STK32C: variants seen among roughly 807,000 people sequenced by gnomAD.
The protein encoded by STK32C is serine/threonine-protein kinase 32C.
In STK32C, 31 loss-of-function variants were observed where a neutral mutation model predicts 56.5. The observed-to-expected ratio is 0.55, with a 90% CI of 0.41 to 0.74. STK32C has a LOEUF of 0.74. Among genes scored for constraint, STK32C ranks in the 30% least tolerant of loss-of-function variants. STK32C has a pLI of 0.00. For missense variants in STK32C, 544 were observed against 676.9 expected, an observed-to-expected ratio of 0.80 and a Z score of 2.18; for synonymous variants, 309 against 289.4, an observed-to-expected ratio of 1.07 and a Z score of -0.69.
chr10:132,245,167 A>G (rs2063641739), intron 2 of STK32C, among the ~76,000 whole-genome samples: 2 of 152,204 alleles, frequency 1.3e-5, no homozygotes, highest in South Asian at 4.1e-4. Context: ...TGGGGCTTAA[A>G]TAGACACAGT....
At chr10:132,274,629 C>T (rs545095985) in intron 1 of STK32C, among the ~76,000 whole-genome samples, 78 of 152,342 alleles carry the variant, frequency 5.1e-4, no homozygotes, top group Middle Eastern at 6.8e-3. Flanking sequence ...CCAGGAGCCA[C>T]GGACGCCGGA....
At chr10:132,254,420 A>G (rs1164685718) in intron 1 of STK32C, among the ~76,000 whole-genome samples, 1 of 151,988 alleles carries the variant, frequency 6.6e-6, no homozygotes, top group Non-Finnish European at 1.5e-5. Context: ...GGAGAGTAAA[A>G]TAAGCCTGCC....
At chr10:132,323,941 A>G (rs2066452530), downstream of STK32C, 1 of 306,622 alleles carries the variant, frequency 3.3e-6, no homozygotes, top group Admixed American at 4.4e-5. The surrounding 1 kb of genome is among the most constrained non-coding windows in gnomAD (Gnocchi z 4.8). Flanking sequence ...TAATAACCCA[A>G]CCTGTGGCAG....
intron 1 of STK32C, among the ~76,000 whole-genome samples, chr10:132,286,048 C>G (rs1289438513): frequency 1.3e-5 from 2 of 151,940 alleles, no homozygotes; most frequent in African/African-American, 4.8e-5. Context: ...ATGGCGTGAA[C>G]CCGGGAAGTG....
chr10:132,246,640 G>A (rs935103571), intron 1 of STK32C, among the ~76,000 whole-genome samples: 8 of 152,350 alleles, frequency 5.3e-5, no homozygotes, highest in South Asian at 4.1e-4. Context: ...GGAGAAGGAC[G>A]GCTCCCCTAA....
chr10:132,296,774 G>A (rs1027227322), intron 1 of STK32C, among the ~76,000 whole-genome samples: 3 of 152,214 alleles, frequency 2.0e-5, no homozygotes, highest in Non-Finnish European at 2.9e-5. Flanking sequence ...GAAAGGGGCC[G>A]CTGTGAGGAA....
At position 132,250,138 on chromosome 10, in the gene STK32C, T is replaced by C. The variant is rs574486456; in HGVS notation, c.263-4183A>G. On this transcript the variant is annotated intron_variant, in intron 1 of 11. Coordinates refer to ENST00000298630, the MANE Select transcript of STK32C (RefSeq NM_173575.4). ...AGAGTTCCCAGAGCTCCCTGCACGC[T>C]GGCTCCGCACCGGGGGAGGGAAGGG... is the stretch of plus-strand genomic sequence containing the variant. Among the ~76,000 whole-genome samples, 6 of 152,326 alleles carry C rather than the reference T, an allele frequency of 3.9e-5. No homozygotes were observed. The East Asian group carries it at 1.2e-3, about 29-fold the overall frequency.
In STK32C at chr10:132,218,092, T is replaced by C. The variant is rs113640367; in HGVS notation, c.1251+4549A>G. 4.8e-3 allele frequency among the ~76,000 whole-genome samples: 729 copies of C among 152,168 alleles called. 6 individuals carry two copies. The highest frequency in any genetic ancestry group is 0.017 in the African/African-American group (692 of 41,532). On this transcript the variant is annotated intron_variant, in intron 10 of 11. Coordinates refer to ENST00000298630, the MANE Select transcript of STK32C (RefSeq NM_173575.4). ...ATCCCAGCATTTTGGGAGGCTGAGG[T>C]GGGAGGACTCCAAGAGTTTGAGACC... is the stretch of plus-strand genomic sequence containing the variant.
intron 1 of STK32C, among the ~76,000 whole-genome samples, chr10:132,261,689 C>T (rs1442717087): frequency 6.6e-6 from 1 of 152,102 alleles, no homozygotes; most frequent in South Asian, 2.1e-4. Flanking sequence ...TGCTTGAGCC[C>T]GGCAGGCAGA....
intron 1 of STK32C, among the ~76,000 whole-genome samples, chr10:132,261,319 A>G (rs758479216): frequency 2.6e-5 from 4 of 152,240 alleles, no homozygotes; most frequent in Non-Finnish European, 5.9e-5. Context: ...AACAATCCAC[A>G]GCATTTTTAT....
chr10:132,299,769 A>G (rs1397330267), intron 1 of STK32C, among the ~76,000 whole-genome samples: 1 of 152,208 alleles, frequency 6.6e-6, no homozygotes, highest in African/African-American at 2.4e-5. Flanking sequence ...AAGTGGAACA[A>G]TGTGTCCCCT....
At chr10:132,212,993 ACTC>A (rs2062363099) in intron 10 of STK32C, among the ~76,000 whole-genome samples, 1 of 151,862 alleles carries the variant, frequency 6.6e-6, no homozygotes, top group Admixed American at 6.5e-5. Context: ...CGTGTGCAGA[ACTC>A]CTGCGGCTGC....
chr10:132,331,790 C>T lies in STK32C; in HGVS notation c.-54G>A, dbSNP rs746151290. 19 of 1,605,306 alleles carry T rather than the reference C, an allele frequency of 1.2e-5. No homozygotes were observed. The South Asian group carries it at 1.5e-4, about 13-fold the overall frequency. On this transcript the variant is annotated 5_prime_UTR_variant, in exon 1 of 2. Transcript: ENST00000368619. ...GGCCGGTCGCCCCTCCAGACCCTCG[C>T]GGTCTCTACTTGCCCGTCGACCACC...
chr10:132,242,769 G>A (rs73383216), intron 2 of STK32C, among the ~76,000 whole-genome samples: 22,656 of 152,074 alleles, frequency 0.15, 1,877 homozygotes, highest in East Asian at 0.23. Context: ...TAATAAATTC[G>A]TATGCTTTTC....
At chr10:132,264,169 G>A (rs999014907) in intron 1 of STK32C, among the ~76,000 whole-genome samples, 1 of 152,196 alleles carries the variant, frequency 6.6e-6, no homozygotes, top group Non-Finnish European at 1.5e-5. Context: ...GGTGTGAAGA[G>A]TATGTTCTCA....
chr10:132,297,795 C>T (rs927547924), intron 1 of STK32C, among the ~76,000 whole-genome samples: 3 of 152,254 alleles, frequency 2.0e-5, no homozygotes, highest in Non-Finnish European at 2.9e-5. Context: ...GCCCGCCCCG[C>T]GGCCAGCAGC....
At chr10:132,310,744 G>A (rs1050876654), upstream of STK32C, among the ~76,000 whole-genome samples, 10 of 152,228 alleles carry the variant, frequency 6.6e-5, no homozygotes, top group East Asian at 5.8e-4. This position sits in a 1 kb window ranked among gnomAD's most constrained non-coding sequence, Gnocchi z 4.6. Context: ...GTGCACTGAC[G>A]TCTAGCACGC....
chr10:132,325,637 G>A (rs754688082), intron 1 of STK32C, among the ~76,000 whole-genome samples: 17 of 151,606 alleles, frequency 1.1e-4, no homozygotes, highest in East Asian at 5.8e-4. Flanking sequence ...CTTGCCTTCC[G>A]CCATGATTGT....
Position 132,306,454 on chromosome 10 carries a change from G to A in STK32C, c.262+1118C>T, listed in dbSNP as rs376505513. On this transcript the variant is annotated intron_variant, in intron 1 of 11. Coordinates refer to ENST00000298630, the MANE Select transcript of STK32C (RefSeq NM_173575.4). Reference sequence around the variant, plus strand: ...GAGCGTGTGGGGCCTGGTGTGGCTGGGCCTTCAGCCCTCCTTCTAGGCAGC... The same window carrying A: ...GAGCGTGTGGGGCCTGGTGTGGCTGAGCCTTCAGCCCTCCTTCTAGGCAGC... Among the ~76,000 whole-genome samples the A allele has an allele frequency of 2.6e-5, 4 of 152,376 alleles. No homozygotes were observed. In the East Asian group the frequency reaches 7.7e-4, roughly 29 times the overall value.
Sources: allele counts gnomAD v4.1 joint callset (sites outside exome capture counted in the v4.1 genomes callset), GRCh38; gene constraint gnomAD v4.1.1; non-coding constraint Gnocchi (gnomAD v3.1); transcripts MANE v1.5; gene names NCBI Gene and HGNC (gene_info 2026-07-23, HGNC 2026-07-21).